Variants in MAGI2 observed in about 807,000 individuals in gnomAD.
MAGI2 encodes the protein membrane associated guanylate kinase, WW and PDZ domain containing 2, also known as membrane-associated guanylate kinase, WW and PDZ domain-containing protein 2.
In MAGI2, 35 loss-of-function variants were observed where a neutral mutation model predicts 133.3. The ratio of observed to expected loss-of-function variants is 0.26; its 90% CI spans 0.20 to 0.35. The LOEUF (loss-of-function observed/expected upper bound fraction) is 0.35, where lower values mean the gene tolerates loss of function less well. Among genes scored for constraint, MAGI2 ranks in the 10% least tolerant of loss-of-function variants. MAGI2 has a pLI of 1.00. For synonymous variants in MAGI2, 729 were observed against 710.6 expected (o/e 1.03, Z -0.41); for missense variants, 1,636 against 1,863.4 (o/e 0.88, Z 2.25).
intron 1 of MAGI2, among the ~76,000 whole-genome samples, chr7:79,344,069 C>G (rs1056317618): frequency 1.9e-4 from 29 of 152,136 alleles, no homozygotes; most frequent in African/African-American, 7.0e-4. Flanking sequence ...ACTGGATAAA[C>G]TAGTTCAATG....
intron 2 of MAGI2, among the ~76,000 whole-genome samples, chr7:78,796,717 T>C (rs1185196710): frequency 2.0e-5 from 3 of 152,112 alleles, no homozygotes; most frequent in Admixed American, 1.3e-4. Flanking sequence ...ATAGCCAAGA[T>C]ATGGAGTCAA....
Position 78,127,312 on chromosome 7 carries a change from C to G in MAGI2, c.3308G>C (p.Gly1103Ala). The G allele has an allele frequency of 6.2e-7, 1 of 1,611,728 alleles. No homozygotes were observed. Among genetic ancestry groups the G allele is most frequent in the Non-Finnish European group, 8.5e-7 (1 of 1,179,412 alleles). The change falls in exon 19 of 22, where the codon GGA (glycine) becomes GCA (alanine). Residue 1103 changes from glycine to alanine, a missense_variant. Coordinates refer to ENST00000354212, the MANE Select transcript of MAGI2 (RefSeq NM_012301.4). ...GGGTGGGGGCTGCTGGTAGTCCCCT[C>G]CTGGGGGTTGCCTGTAATCCAGCGG... ...QPPLDYRQPP[G>A]GDYQQPPPLD...
intron 21 of MAGI2, among the ~76,000 whole-genome samples, chr7:78,051,010 G>A (rs1276599160): frequency 1.3e-5 from 2 of 152,204 alleles, no homozygotes; most frequent in Non-Finnish European, 2.9e-5. Flanking sequence ...TCCTGGCAAA[G>A]GCCAACCCCC....
chr7:78,182,034 G>T (rs371486759), intron 13 of MAGI2, among the ~76,000 whole-genome samples: 11 of 152,184 alleles, frequency 7.2e-5, no homozygotes, highest in South Asian at 4.1e-4. Flanking sequence ...GGATGCTGCT[G>T]TAAACATGTC....
At chr7:78,158,735 T>C (rs1824649143) in intron 16 of MAGI2, among the ~76,000 whole-genome samples, 1 of 152,198 alleles carries the variant, frequency 6.6e-6, no homozygotes, top group Non-Finnish European at 1.5e-5. Flanking sequence ...ACCCGCTTCT[T>C]GCCTGGGGAC....
At chr7:78,109,780 T>C (rs1223445576) in intron 20 of MAGI2, among the ~76,000 whole-genome samples, 1 of 152,110 alleles carries the variant, frequency 6.6e-6, no homozygotes, top group Non-Finnish European at 1.5e-5. Flanking sequence ...GAAGCATGAA[T>C]AGGAGAAATT....
Position 79,088,815 on chromosome 7 carries a change from T to C in MAGI2, c.302-81609A>G, listed in dbSNP as rs144290670. On this transcript the variant is annotated intron_variant, in intron 1 of 21. Transcript: ENST00000354212. ...CTGTTTATGTGATGGATTATGTTTA[T>C]TGATTTGTGTATATTGAACCAGCCT... Among the ~76,000 whole-genome samples the C allele has an allele frequency of 5.8e-3, 881 of 152,184 alleles. 6 individuals are homozygous for C. Among genetic ancestry groups the C allele is most frequent in the Non-Finnish European group, 8.5e-3 (581 of 67,990 alleles).
intron 6 of MAGI2, among the ~76,000 whole-genome samples, chr7:78,418,496 T>A (rs1388935748): frequency 6.6e-6 from 1 of 152,128 alleles, no homozygotes; most frequent in Non-Finnish European, 1.5e-5. Context: ...GGAAATGCTA[T>A]ATAATCTATA....
intron 9 of MAGI2, among the ~76,000 whole-genome samples, chr7:78,275,894 T>C (rs1404880993): frequency 6.6e-6 from 1 of 152,166 alleles, no homozygotes; most frequent in Non-Finnish European, 1.5e-5. Flanking sequence ...ACCTGAAACA[T>C]ATACGTAATA....
intron 1 of MAGI2, among the ~76,000 whole-genome samples, chr7:79,292,265 A>ATT (rs1836545987): frequency 6.6e-6 from 1 of 152,036 alleles, no homozygotes; most frequent in Non-Finnish European, 1.5e-5. Flanking sequence ...AATTTCATTT[A>ATT]TTTACTTATT....
At chr7:78,386,078 G>T (rs1353839324) in intron 6 of MAGI2, among the ~76,000 whole-genome samples, 1 of 152,018 alleles carries the variant, frequency 6.6e-6, no homozygotes, top group Non-Finnish European at 1.5e-5. Flanking sequence ...TGCCATTTCA[G>T]CTCTGTCCCA....
In MAGI2 at chr7:78,017,481, A is replaced by T. The variant is rs1322813730; in HGVS notation, c.*1834T>A. On this transcript the variant is annotated 3_prime_UTR_variant, in exon 22 of 22. Coordinates refer to ENST00000354212, the MANE Select transcript of MAGI2 (RefSeq NM_012301.4). ...ACCAGGACGTGCAGCTACACTACAGAAGCATTGTCCAAAACCAGATTCAAT... is the reference window on the plus strand; with the variant it reads ...ACCAGGACGTGCAGCTACACTACAGTAGCATTGTCCAAAACCAGATTCAAT... The T allele has an allele frequency of 2.0e-5, 3 of 152,492 alleles. No homozygotes were observed. 9.4% of individuals were successfully genotyped at this position (152,492 alleles called of 1,614,324 possible). A position where few individuals can be genotyped will look rare whatever the true frequency, so the allele number is the denominator to read the frequency against.
chr7:78,673,178 C>T (rs543711658), intron 2 of MAGI2, among the ~76,000 whole-genome samples: 1 of 152,146 alleles, frequency 6.6e-6, no homozygotes, highest in South Asian at 2.1e-4. Context: ...GTGAGTAACT[C>T]ATTTCGTTAA....
chr7:79,245,937 C>T (rs1832793536), intron 1 of MAGI2, among the ~76,000 whole-genome samples: 1 of 152,168 alleles, frequency 6.6e-6, no homozygotes, highest in Non-Finnish European at 1.5e-5. Flanking sequence ...GAAAGAGACT[C>T]CATTTGTTTA....
chr7:78,243,269 ACT>A (rs60322546), intron 10 of MAGI2, among the ~76,000 whole-genome samples: 2,106 of 62,724 alleles, frequency 0.034, 25 homozygotes, highest in African/African-American at 0.069. Context: ...ACACACACAC[ACT>A]CTCTCTCTCT....
intron 1 of MAGI2, among the ~76,000 whole-genome samples, chr7:79,183,931 A>G (rs1202023623): frequency 2.6e-5 from 4 of 151,806 alleles, no homozygotes; most frequent in African/African-American, 9.7e-5. Flanking sequence ...AGAATTTTTT[A>G]AAGTTGACTT....
At chr7:78,925,339 T>C (rs1022162893) in intron 2 of MAGI2, among the ~76,000 whole-genome samples, 1 of 152,118 alleles carries the variant, frequency 6.6e-6, no homozygotes, top group Non-Finnish European at 1.5e-5. Flanking sequence ...AAAGCCAGGT[T>C]ACAGATATTT....
intron 2 of MAGI2, among the ~76,000 whole-genome samples, chr7:78,778,184 T>A (rs558304864): frequency 6.6e-6 from 1 of 152,318 alleles, no homozygotes; most frequent in South Asian, 2.1e-4. Flanking sequence ...CCCAAGCACA[T>A]GGGCATAATG....
chr7:79,069,301 T>A (rs1459413226), intron 1 of MAGI2, among the ~76,000 whole-genome samples: 1 of 152,172 alleles, frequency 6.6e-6, no homozygotes, highest in Non-Finnish European at 1.5e-5. Flanking sequence ...GGCGCATATA[T>A]ATTTAGGACA....
Sources: gnomAD v4.1 joint callset for allele counts (sites outside exome capture counted in the v4.1 genomes callset) on GRCh38, gnomAD v4.1.1 for gene constraint, MANE v1.5 for transcripts, NCBI Gene and HGNC (gene_info 2026-07-23, HGNC 2026-07-21) for gene names.